ADAP1: variants seen among roughly 807,000 people sequenced by gnomAD.
ADAP1 encodes ArfGAP with dual PH domains 1.
Under a neutral mutation model 54.9 loss-of-function variants are expected in ADAP1, and 31 were observed. The ratio of observed to expected loss-of-function variants is 0.56; its 90% CI spans 0.42 to 0.76. The LOEUF (loss-of-function observed/expected upper bound fraction) is 0.76. ADAP1 is among the 30% of genes least tolerant of loss of function. The pLI, the probability that ADAP1 is intolerant of heterozygous loss-of-function variation, is 0.00. For synonymous variants in ADAP1, 313 were observed against 202.6 expected (o/e 1.55, Z -4.63); for missense variants, 535 against 512.4 (o/e 1.04, Z -0.42).
Position 898,412 on chromosome 7 carries a change from C to T in ADAP1, c.*509G>A, listed in dbSNP as rs554282387. The stretch of plus-strand genomic sequence containing the variant: ...GACCTGTGTGGATAATCCACCCAAA[C>T]ACCCCACGGCCCTCATAGCCCCGTG... On this transcript the variant is annotated 3_prime_UTR_variant, in exon 11 of 11. Coordinates refer to ENST00000265846, the MANE Select transcript of ADAP1 (RefSeq NM_006869.4). 2 of 193,320 alleles carry T rather than the reference C, an allele frequency of 1.0e-5. No homozygotes were observed. Among genetic ancestry groups the T allele is most frequent in the Admixed American group, 5.3e-5 (1 of 18,886 alleles). 12.0% of individuals were successfully genotyped at this position (193,320 alleles called of 1,614,324 possible).
chr7:927,007 C>T (rs1223655346), intron 2 of ADAP1: 26 of 1,260,710 alleles, frequency 2.1e-5, no homozygotes, highest in Non-Finnish European at 2.7e-5. Flanking sequence ...ACCCCCATCT[C>T]TGCCCCAGAG....
At chr7:927,129 G>A (rs1166631691) in intron 2 of ADAP1, 2 of 1,303,960 alleles carry the variant, frequency 1.5e-6, no homozygotes, top group Admixed American at 4.6e-5. Flanking sequence ...CCCAGATGTG[G>A]CTAGGACAGA....
At chr7:902,666 A>G (rs1844880867) in intron 6 of ADAP1, among the ~76,000 whole-genome samples, 1 of 151,736 alleles carries the variant, frequency 6.6e-6, no homozygotes, top group Non-Finnish European at 1.5e-5. Flanking sequence ...AGAACAGGGA[A>G]AGTGGAGGGA....
At chr7:910,221 C>G (rs1010187523) in intron 4 of ADAP1, among the ~76,000 whole-genome samples, 1 of 152,012 alleles carries the variant, frequency 6.6e-6, no homozygotes, top group Non-Finnish European at 1.5e-5. Flanking sequence ...AAGTGAAATC[C>G]GAGGAAACAG....
chr7:912,693 C>A (rs1189635667), intron 4 of ADAP1, among the ~76,000 whole-genome samples: 1 of 152,176 alleles, frequency 6.6e-6, no homozygotes. Flanking sequence ...TTCCGCTTCC[C>A]TCACTCCTCT....
intron 5 of ADAP1, 66 bp downstream of exon 5, chr7:904,994 C>G (rs1455282696): frequency 7.1e-7 from 1 of 1,410,110 alleles, no homozygotes; most frequent in South Asian, 1.1e-5. Context: ...CACCACAGGC[C>G]CCAGTGTGGG....
rs535297099 is a variant in ADAP1, at chr7:898,654, C to T, written c.*267G>A. On this transcript the variant is annotated 3_prime_UTR_variant, in exon 11 of 11. Coordinates refer to ENST00000265846, the MANE Select transcript of ADAP1 (RefSeq NM_006869.4). ...AGACTGGGCCCTGGAGGAAAGGGGGCCCCGGGTCAGGGAGGGGCAGGTTGG... is the reference window on the plus strand; with the variant it reads ...AGACTGGGCCCTGGAGGAAAGGGGGTCCCGGGTCAGGGAGGGGCAGGTTGG... 2 of 533,780 alleles carry T rather than the reference C, an allele frequency of 3.7e-6. No individual in the cohort carries two copies. Among genetic ancestry groups the T allele is most frequent in the South Asian group, 2.1e-5 (1 of 48,500 alleles). 33.1% of individuals were successfully genotyped at this position (533,780 alleles called of 1,614,324 possible).
rs1847156913 is a variant in ADAP1, at chr7:946,967, C to A, written c.82+7429G>T. On this transcript the variant is annotated intron_variant, in intron 1 of 10. Coordinates refer to ENST00000265846, the MANE Select transcript of ADAP1 (RefSeq NM_006869.4). This position sits in a 1 kb window ranked among gnomAD's most constrained non-coding sequence, Gnocchi z 4.3. Reference sequence around the variant, plus strand: ...GGCAACATAGTGAGACACCGCGACTCCATCCTTATGAAAAAATTTTCTATA... The same window carrying A: ...GGCAACATAGTGAGACACCGCGACTACATCCTTATGAAAAAATTTTCTATA... 6.6e-6 allele frequency among the ~76,000 whole-genome samples: 1 copy of A among 152,190 alleles called. No homozygotes were observed.
At chr7:939,659 C>T (rs1017264224) in intron 1 of ADAP1, among the ~76,000 whole-genome samples, 2 of 151,842 alleles carry the variant, frequency 1.3e-5, no homozygotes, top group African/African-American at 2.4e-5. Flanking sequence ...AGTGAAACCC[C>T]GTCTCTACTA....
chr7:934,616 C>T (rs1846689877), intron 2 of ADAP1, among the ~76,000 whole-genome samples: 1 of 152,134 alleles, frequency 6.6e-6, no homozygotes, highest in South Asian at 2.1e-4. Context: ...AGGCCCCACG[C>T]TCCATCCGAC....
chr7:904,309 C>T (rs200319541), intron 5 of ADAP1, 37 bp from the exon 6 acceptor site: 124 of 1,530,414 alleles, frequency 8.1e-5, no homozygotes, highest in South Asian at 3.9e-4. Flanking sequence ...TCACAGGGGC[C>T]GTCGTCCAAG....
At position 900,538 on chromosome 7, in the gene ADAP1, C is replaced by A. The variant is rs1319817873; in HGVS notation, c.727G>T (p.Ala243Ser). Residue 243 changes from alanine to serine, a missense_variant, in exon 7 of 11, where the codon GCA becomes TCA. Transcript: ENST00000265846. ...LQVAFPGAGD[A>S]DLVPKLSRNY... ...ACCGCAGGGCCGCCACTCACATCTG[C>A]GTCGCCGGCCCCTGGGAATGCCACC... 6.2e-7 allele frequency: 1 copy of A among 1,607,096 alleles called. No homozygotes were observed. Among genetic ancestry groups the A allele is most frequent in the Non-Finnish European group, 8.5e-7 (1 of 1,177,476 alleles).
At chr7:916,879 C>A (rs1056367050) in intron 4 of ADAP1, among the ~76,000 whole-genome samples, 2 of 152,112 alleles carry the variant, frequency 1.3e-5, no homozygotes, top group African/African-American at 2.4e-5. Flanking sequence ...CACCCCTGCT[C>A]ACCCCACGCC....
intron 8 of ADAP1, 136 bp from the exon 9 acceptor site, chr7:899,626 G>T: frequency 2.0e-6 from 2 of 998,772 alleles, no homozygotes; most frequent in Non-Finnish European, 2.9e-6. Flanking sequence ...CCTGCCGCTG[G>T]CCACGCCCCA....
intron 1 of ADAP1, among the ~76,000 whole-genome samples, chr7:941,863 C>T (rs796967844): frequency 1.5e-4 from 23 of 152,198 alleles, no homozygotes; most frequent in African/African-American, 3.4e-4. Flanking sequence ...AAGACAAGGA[C>T]GGGGAACTAA....
At chr7:907,519 C>G (rs540153318) in intron 4 of ADAP1, among the ~76,000 whole-genome samples, 1 of 152,288 alleles carries the variant, frequency 6.6e-6, no homozygotes, top group East Asian at 1.9e-4. Flanking sequence ...CTTCACGTCA[C>G]TGAGCTGCGG....
At chr7:932,225 T>A (rs1846605589) in intron 2 of ADAP1, among the ~76,000 whole-genome samples, 1 of 152,162 alleles carries the variant, frequency 6.6e-6, no homozygotes, top group Non-Finnish European at 1.5e-5. Context: ...GCGGCAGGAA[T>A]CAGGGGTTTC....
rs747065990 is a variant in ADAP1 at position 935,407 on chromosome 7, G to A, written c.181C>T (p.Arg61Cys). 2.4e-5 allele frequency: 37 copies of A among 1,560,776 alleles called. No individual in the cohort carries two copies. In the South Asian group the frequency reaches 2.5e-4, roughly 10 times the overall value. The stretch of plus-strand genomic sequence containing the variant: ...TGGGCCTCCTCCCAGGCGTCCAGGC[G>A]GACGGACTTCACCTTGCTGACCTGG... ...IPQVSKVKSV[R>C]LDAWEEAQVE... Residue 61 changes from arginine to cysteine, a missense_variant, in exon 2 of 11, where the codon CGC (arginine) becomes TGC (cysteine). Transcript: ENST00000265846.
rs143976088 is a variant in ADAP1, at chr7:926,959, C to A, written c.214-315G>T. The A allele has an allele frequency of 0.02, 25,265 of 1,254,296 alleles. 360 individuals carry two copies. The highest frequency in any genetic ancestry group is 0.046 in the Middle Eastern group (153 of 3,344). The allele number at this position is 1,254,296 out of a possible 1,614,324, so 77.7% of individuals were successfully genotyped here. On this transcript the variant is annotated intron_variant, in intron 2 of 10. Transcript: ENST00000265846. This position sits in a 1 kb window ranked among gnomAD's most constrained non-coding sequence, Gnocchi z 4.6. ...GTTTCAACCCCCAAGTCCACCCACA[C>A]CGGGTGTCCCGTGGGAGAGAGCTGG...
Sources: allele counts gnomAD v4.1 joint callset (sites outside exome capture counted in the v4.1 genomes callset), GRCh38; gene constraint gnomAD v4.1.1; non-coding constraint Gnocchi (gnomAD v3.1); transcripts MANE v1.5; gene names NCBI Gene and HGNC (gene_info 2026-07-23, HGNC 2026-07-21).